Variants in CSMD1 observed in about 807,000 individuals in gnomAD.
CSMD1 encodes CUB and Sushi multiple domains 1.
CSMD1 carries 213 observed loss-of-function variants against 417.5 expected under a neutral mutation model. The ratio of observed to expected loss-of-function variants is 0.51; its 90% CI spans 0.46 to 0.57. The LOEUF is 0.57. Ranked by LOEUF, CSMD1 falls within the 20% of genes least tolerant of loss-of-function variation. The probability of loss-of-function intolerance (pLI) is 0.00; values close to 1 mark genes in which losing one functional copy is unlikely to be tolerated. For synonymous variants in CSMD1, 2,862 were observed against 1,736.8 expected, an observed-to-expected ratio of 1.65 and a Z score of -16.11; for missense variants, 6,923 against 4,529.7, an observed-to-expected ratio of 1.53 and a Z score of -15.17.
chr8:3,637,909 C>G (rs149139878), intron 7 of CSMD1, among the ~76,000 whole-genome samples: 14 of 152,336 alleles, frequency 9.2e-5, no homozygotes, highest in African/African-American at 3.4e-4. Flanking sequence ...CCTGCCCACA[C>G]TCTCTTGATT....
intron 2 of CSMD1, among the ~76,000 whole-genome samples, chr8:4,538,075 A>T (rs1797190690): frequency 6.6e-6 from 1 of 152,098 alleles, no homozygotes; most frequent in African/African-American, 2.4e-5. Flanking sequence ...ATAATTCTGG[A>T]GACATTTTCT....
intron 7 of CSMD1, among the ~76,000 whole-genome samples, chr8:3,634,487 C>T (rs886317040): frequency 5.3e-5 from 8 of 152,156 alleles, no homozygotes; most frequent in Non-Finnish European, 7.3e-5. Context: ...AGTGGACAAC[C>T]GCAAGTTTGA....
Position 3,503,756 on chromosome 8 carries a change from G to C in CSMD1, c.1345-10030C>G, listed in dbSNP as rs1796704310. ...ACCTGGCTTAGTTTTCCCTGTCTCA[G>C]CCCACCTGTGGTTTCAAAATGGCCT... On this transcript the variant is annotated intron_variant, in intron 10 of 69. Coordinates refer to ENST00000635120, the MANE Select transcript of CSMD1 (RefSeq NM_033225.6). 4.6e-5 allele frequency among the ~76,000 whole-genome samples: 7 copies of C among 152,082 alleles called. No homozygotes were observed. In the South Asian group the frequency reaches 1.4e-3, roughly 31 times the overall value.
At chr8:4,498,335 G>C (rs569744034) in intron 2 of CSMD1, among the ~76,000 whole-genome samples, 1 of 151,984 alleles carries the variant, frequency 6.6e-6, no homozygotes, top group Non-Finnish European at 1.5e-5. Context: ...ACACACACAC[G>C]TTAACTTATT....
chr8:3,150,270 G>A (rs1236824796), intron 40 of CSMD1, among the ~76,000 whole-genome samples: 1 of 152,152 alleles, frequency 6.6e-6, no homozygotes, highest in African/African-American at 2.4e-5. Context: ...CCACCACCGT[G>A]GCCTCCTACA....
chr8:4,103,051 T>C lies in CSMD1; in HGVS notation c.416-70952A>G, dbSNP rs188860935. Among the ~76,000 whole-genome samples the C allele has an allele frequency of 2.3e-4, 35 of 152,322 alleles. No individual in the cohort carries two copies. The East Asian group carries it at 4.8e-3, about 21-fold the overall frequency. On this transcript the variant is annotated intron_variant, in intron 3 of 69. Coordinates refer to ENST00000635120, the MANE Select transcript of CSMD1 (RefSeq NM_033225.6). ...TGAGTTGACTCAGCGGGTCAGAGAA[T>C]TATGTTACATGGTTGTGCCCTTGGT...
At chr8:4,666,513 G>A (rs562027154) in intron 1 of CSMD1, among the ~76,000 whole-genome samples, 9 of 152,234 alleles carry the variant, frequency 5.9e-5, no homozygotes, top group East Asian at 1.9e-4. Context: ...CCTCCAGAAC[G>A]GAACAGAATC....
intron 2 of CSMD1, among the ~76,000 whole-genome samples, chr8:4,497,357 T>A (rs994520528): frequency 6.6e-6 from 1 of 152,210 alleles, no homozygotes; most frequent in African/African-American, 2.4e-5. Flanking sequence ...GCCACTGGCC[T>A]GGCACTACAA....
At chr8:3,812,138 A>G (rs1801125288) in intron 5 of CSMD1, among the ~76,000 whole-genome samples, 1 of 152,238 alleles carries the variant, frequency 6.6e-6, no homozygotes, top group African/African-American at 2.4e-5. Context: ...ATTTGTATTC[A>G]TATTCACATG....
chr8:4,897,910 G>C (rs543574434), intron 1 of CSMD1, among the ~76,000 whole-genome samples: 3 of 152,092 alleles, frequency 2.0e-5, no homozygotes, highest in East Asian at 3.8e-4. Flanking sequence ...GCGTGGCTTT[G>C]TTAAGTGGGG....
intron 1 of CSMD1, among the ~76,000 whole-genome samples, chr8:4,991,962 T>A (rs1811488979): frequency 6.6e-6 from 1 of 152,026 alleles, no homozygotes; most frequent in Non-Finnish European, 1.5e-5. Flanking sequence ...GAGAGCTACG[T>A]CCGAGCGTCC....
At chr8:4,324,365 G>C (rs775648012) in intron 3 of CSMD1, among the ~76,000 whole-genome samples, 16 of 152,190 alleles carry the variant, frequency 1.1e-4, no homozygotes, top group Non-Finnish European at 2.2e-4. Context: ...CCATTCCATG[G>C]ATGGGACACC....
intron 4 of CSMD1, among the ~76,000 whole-genome samples, chr8:4,017,613 C>T (rs1031232264): frequency 6.6e-6 from 1 of 152,020 alleles, no homozygotes; most frequent in Admixed American, 6.6e-5. Flanking sequence ...GCTGCCACCT[C>T]GTTTATAACT....
intron 3 of CSMD1, among the ~76,000 whole-genome samples, chr8:4,416,359 C>G (rs777068026): frequency 1.3e-5 from 2 of 152,008 alleles, no homozygotes; most frequent in Non-Finnish European, 2.9e-5. Flanking sequence ...GCATATAATT[C>G]ATAAAAGCTA....
intron 6 of CSMD1, among the ~76,000 whole-genome samples, chr8:3,722,118 G>A (rs1297430308): frequency 2.0e-5 from 3 of 152,068 alleles, no homozygotes; most frequent in African/African-American, 7.2e-5. Flanking sequence ...CGAGGCAGGT[G>A]GATCACTTGA....
At chr8:3,965,910 C>A (rs963200266) in intron 5 of CSMD1, among the ~76,000 whole-genome samples, 3 of 152,122 alleles carry the variant, frequency 2.0e-5, no homozygotes, top group African/African-American at 7.2e-5. Flanking sequence ...AGCCACCATG[C>A]CCGGCCAATG....
chr8:3,974,505 A>T (rs1247404789), intron 5 of CSMD1, among the ~76,000 whole-genome samples: 4 of 152,182 alleles, frequency 2.6e-5, no homozygotes, highest in South Asian at 4.2e-4. Flanking sequence ...ATTTATTTTT[A>T]AAAATAAAAT....
chr8:3,168,786 C>T (rs1037894351), intron 37 of CSMD1, among the ~76,000 whole-genome samples: 3 of 151,398 alleles, frequency 2.0e-5, no homozygotes, highest in Non-Finnish European at 4.4e-5. Context: ...AAACTGTTGG[C>T]AGGTTTGACA....
chr8:3,023,929 C>G (rs539411647), intron 51 of CSMD1, among the ~76,000 whole-genome samples: 2 of 151,660 alleles, frequency 1.3e-5, no homozygotes, highest in African/African-American at 4.8e-5. Context: ...CTTGAAGATT[C>G]CGTTGGTCCT....
Sources: allele counts gnomAD v4.1 joint callset (sites outside exome capture counted in the v4.1 genomes callset), GRCh38; gene constraint gnomAD v4.1.1; transcripts MANE v1.5; gene names NCBI Gene and HGNC (gene_info 2026-07-23, HGNC 2026-07-21).